STPG2: variants seen among roughly 807,000 people sequenced by gnomAD.
STPG2 encodes sperm-tail PG-rich repeat-containing protein 2.
Under a neutral mutation model 54.2 loss-of-function variants are expected in STPG2, and 56 were observed. The ratio of observed to expected loss-of-function variants is 1.03; its 90% CI spans 0.83 to 1.29. STPG2 has a LOEUF of 1.29. Ranked by LOEUF, STPG2 falls within the 50% of genes most tolerant of loss-of-function variation. The probability of loss-of-function intolerance (pLI) is 0.00; values close to 1 mark genes in which losing one functional copy is unlikely to be tolerated. For missense variants in STPG2, 596 were observed against 544.9 expected, an observed-to-expected ratio of 1.09 and a Z score of -0.93; for synonymous variants, 200 against 181.8, an observed-to-expected ratio of 1.10 and a Z score of -0.81.
chr4:98,060,854 T>C (rs1560660588), intron 5 of STPG2, among the ~76,000 whole-genome samples: 1 of 152,198 alleles, frequency 6.6e-6, no homozygotes, highest in Non-Finnish European at 1.5e-5. Context: ...CTGAGATAAC[T>C]GGCTAGCCTT....
rs1265747315 is a variant in STPG2 at position 97,623,084 on chromosome 4, C to A, written c.1321-63967G>T. On this transcript the variant is annotated intron_variant, in intron 10 of 10. Coordinates refer to ENST00000295268, the MANE Select transcript of STPG2 (RefSeq NM_174952.3). ...TAGCCCTATGCAGGTTAAAACTGGACCCTTTCATACAGCATATACAAAACT... is the reference window on the plus strand; with the variant it reads ...TAGCCCTATGCAGGTTAAAACTGGAACCTTTCATACAGCATATACAAAACT... Among the ~76,000 whole-genome samples, 13 of 152,004 alleles carry A rather than the reference C, an allele frequency of 8.6e-5. No homozygotes were observed. In the South Asian group the frequency reaches 1.7e-3, roughly 19 times the overall value.
chr4:98,025,858 A>G, intron 5 of STPG2: 1 of 1,598,224 alleles, frequency 6.3e-7, no homozygotes, highest in South Asian at 1.1e-5. Context: ...CTGGCAATAA[A>G]GTTTTTGGCA....
intron 5 of STPG2, among the ~76,000 whole-genome samples, chr4:98,094,100 G>C (rs34164616): frequency 2.0e-5 from 3 of 151,858 alleles, no homozygotes; most frequent in Non-Finnish European, 2.9e-5. Context: ...AGCTTGTGCC[G>C]TGCCTCCCAC....
intron 5 of STPG2, among the ~76,000 whole-genome samples, chr4:98,007,271 T>TTGAG (rs771372352): frequency 3.9e-5 from 6 of 152,170 alleles, no homozygotes; most frequent in Non-Finnish European, 5.9e-5. Context: ...CACTCCAGCT[T>TTGAG]CTCAGGAAGC....
chr4:98,071,982 T>C (rs945472979), intron 5 of STPG2, among the ~76,000 whole-genome samples: 1 of 152,168 alleles, frequency 6.6e-6, no homozygotes, highest in African/African-American at 2.4e-5. Flanking sequence ...AGTTCAACCA[T>C]TGTGGAAAAC....
intron 9 of STPG2, among the ~76,000 whole-genome samples, chr4:97,786,070 T>C (rs933681792): frequency 6.6e-6 from 1 of 152,104 alleles, no homozygotes; most frequent in African/African-American, 2.4e-5. Flanking sequence ...TTTGCCACTT[T>C]AATAAGTTTT....
chr4:97,811,580 A>C (rs1727743792), intron 9 of STPG2, among the ~76,000 whole-genome samples: 1 of 152,134 alleles, frequency 6.6e-6, no homozygotes, highest in African/African-American at 2.4e-5. Flanking sequence ...GGGCAGATTT[A>C]ACTGATTTTG....
At chr4:97,870,269 T>C (rs928122604) in intron 8 of STPG2, among the ~76,000 whole-genome samples, 1 of 151,452 alleles carries the variant, frequency 6.6e-6, no homozygotes, top group African/African-American at 2.4e-5. Flanking sequence ...TTCACGAAAA[T>C]GTGATATAAC....
At chr4:97,750,359 A>G (rs914380743) in intron 9 of STPG2, among the ~76,000 whole-genome samples, 1 of 151,818 alleles carries the variant, frequency 6.6e-6, no homozygotes, top group African/African-American at 2.4e-5. Flanking sequence ...GCTTTCTAGA[A>G]AACTCATCTC....
chr4:97,937,553 T>G (rs1732793421), intron 8 of STPG2, among the ~76,000 whole-genome samples: 1 of 152,200 alleles, frequency 6.6e-6, no homozygotes, highest in Admixed American at 6.5e-5. Flanking sequence ...GACCTTTGGA[T>G]GAGGTTTTTG....
At chr4:98,112,685 T>C in intron 3 of STPG2, among the ~76,000 whole-genome samples, 1 of 152,112 alleles carries the variant, frequency 6.6e-6, no homozygotes. Flanking sequence ...TTTTAGTAAA[T>C]CCCCTTGATT....
intron 8 of STPG2, among the ~76,000 whole-genome samples, chr4:97,939,610 T>G (rs1183827577): frequency 6.6e-6 from 1 of 152,218 alleles, no homozygotes; most frequent in Non-Finnish European, 1.5e-5. Flanking sequence ...TGTCTGAAAT[T>G]AAGATTGCAA....
Position 97,484,931 on chromosome 4 carries a change from C to T in STPG2, c.462+227768G>A, listed in dbSNP as rs113923231. On this transcript the variant is annotated intron_variant, in intron 4 of 4. Transcript: ENST00000522676. ...TACACAAGTCAATAAATGTGATACA[C>T]CACATAAACAGAATTAAAAACAAAA... Among the ~76,000 whole-genome samples the T allele has an allele frequency of 8.0e-4, 121 of 151,774 alleles. 2 individuals are homozygous for T. Among genetic ancestry groups the T allele is most frequent in the African/African-American group, 2.9e-3 (119 of 41,472 alleles).
chr4:97,643,925 A>T (rs1721835434), intron 10 of STPG2, among the ~76,000 whole-genome samples: 1 of 151,878 alleles, frequency 6.6e-6, no homozygotes, highest in African/African-American at 2.4e-5. Context: ...CCAGGAAATA[A>T]GTTATAGTAA....
intron 8 of STPG2, among the ~76,000 whole-genome samples, chr4:97,908,070 A>G (rs1035683902): frequency 6.6e-6 from 1 of 151,870 alleles, no homozygotes; most frequent in Admixed American, 6.5e-5. Flanking sequence ...CTACCATCAG[A>G]GTGAACAGGC....
rs146769693 is a variant in STPG2, at chr4:97,626,040, G to A, written c.1321-66923C>T. ...GTGAAAAGTTAACATTTACTTACAC[G>A]GTCTGAAGTTATCATATGGGCAAAG... On this transcript the variant is annotated intron_variant, in intron 10 of 10. Coordinates refer to ENST00000295268, the MANE Select transcript of STPG2 (RefSeq NM_174952.3). 4.2e-3 allele frequency among the ~76,000 whole-genome samples: 636 copies of A among 152,098 alleles called. 3 individuals are homozygous for A. The highest frequency in any genetic ancestry group is 0.02 in the South Asian group (98 of 4,824).
intron 4 of STPG2, among the ~76,000 whole-genome samples, chr4:97,447,027 C>A (rs1015517550): frequency 2.0e-5 from 3 of 152,128 alleles, no homozygotes; most frequent in Admixed American, 2.0e-4. Flanking sequence ...TTGGAACTTC[C>A]TAGAGACTTG....
chr4:97,623,466 G>GT (rs1734064649), intron 10 of STPG2, among the ~76,000 whole-genome samples: 12 of 151,910 alleles, frequency 7.9e-5, no homozygotes, highest in Admixed American at 6.6e-5. Flanking sequence ...ACTTTTCAAA[G>GT]GAAGACATAC....
At chr4:97,740,591 A>G (rs1238167580) in intron 9 of STPG2, among the ~76,000 whole-genome samples, 2 of 152,164 alleles carry the variant, frequency 1.3e-5, no homozygotes, top group Non-Finnish European at 2.9e-5. Context: ...GAGCCAAATC[A>G]TGAATGAACT....
Sources: gnomAD v4.1 joint callset for allele counts (sites outside exome capture counted in the v4.1 genomes callset) on GRCh38, gnomAD v4.1.1 for gene constraint, MANE v1.5 for transcripts, NCBI Gene and HGNC (gene_info 2026-07-23, HGNC 2026-07-21) for gene names.